YME1L1: variants seen among roughly 807,000 people sequenced by gnomAD.
YME1L1 encodes the protein ATP-dependent zinc metalloprotease YME1L1.
YME1L1 carries 39 observed loss-of-function variants against 90.4 expected under a neutral mutation model. That is an observed-to-expected ratio of 0.43 (90% CI 0.33 to 0.56). The LOEUF is 0.56. YME1L1 is among the 20% of genes least tolerant of loss of function. The pLI is 0.03. For synonymous variants in YME1L1, 284 were observed against 287.3 expected (o/e 0.99, Z 0.12); for missense variants, 617 against 868.4 (o/e 0.71, Z 3.64).
chr10:27,115,266 C>CA (rs1399020923), intron 17 of YME1L1, among the ~76,000 whole-genome samples: 6 of 149,276 alleles, frequency 4.0e-5, no homozygotes, highest in Non-Finnish European at 5.9e-5. Context: ...AACAAAGAAA[C>CA]AAAAAAACAC....
chr10:27,145,232 C>G (rs1449469897), intron 3 of YME1L1, among the ~76,000 whole-genome samples, 196 bp downstream of exon 3: 1 of 150,246 alleles, frequency 6.7e-6, no homozygotes, highest in Non-Finnish European at 1.5e-5. Context: ...AAGCAAAATT[C>G]TGTACTATCT....
chr10:27,148,958 G>A lies in YME1L1; in HGVS notation c.116C>T (p.Ser39Phe). 6.2e-7 allele frequency: 1 copy of A among 1,614,146 alleles called. No individual in the cohort carries two copies. ...AACTACATCTCGATGCTGGTTTTGAGAAACTGACACTCCACTGAGAGAAAC... is the reference window on the plus strand; with the variant it reads ...AACTACATCTCGATGCTGGTTTTGAAAAACTGACACTCCACTGAGAGAAAC... Reference protein sequence around the residue: ...TSVSLSGVSVSQNQHRDVVPE... With the variant: ...TSVSLSGVSVFQNQHRDVVPE... The change falls in exon 2 of 19, where the codon TCT (serine) becomes TTT (phenylalanine). Residue 39 changes from serine to phenylalanine, a missense_variant. This residue lies in a region of YME1L1 where 311 missense variants were observed against 335.8 expected (regional missense o/e 0.93). Coordinates refer to ENST00000376016, the MANE Select transcript of YME1L1 (RefSeq NM_014263.4).
At chr10:27,143,323 C>T (rs1226226798) in intron 3 of YME1L1, among the ~76,000 whole-genome samples, 3 of 151,124 alleles carry the variant, frequency 2.0e-5, no homozygotes, top group East Asian at 2.0e-4. Context: ...GAGCTGAGAT[C>T]GCGCCATTGC....
chr10:27,115,939 C>G, intron 17 of YME1L1, 121 bp downstream of exon 17: 2 of 875,680 alleles, frequency 2.3e-6, no homozygotes, highest in Non-Finnish European at 3.6e-6. Context: ...GAATAAAGAG[C>G]CTCAAATCCA....
intron 11 of YME1L1, 98 bp downstream of exon 11, chr10:27,122,743 G>T (rs749016913): frequency 3.3e-6 from 5 of 1,510,138 alleles, no homozygotes; most frequent in Non-Finnish European, 4.5e-6. Context: ...CTCTAGATAT[G>T]AAATGCCTTA....
chr10:27,118,580 A>C (rs1271111826), intron 14 of YME1L1, among the ~76,000 whole-genome samples: 2 of 152,202 alleles, frequency 1.3e-5, no homozygotes, highest in African/African-American at 4.8e-5. Context: ...GTGAGCCACC[A>C]CGCCCAGTCT....
At chr10:27,129,755 A>ACTTGT (rs10672240) in intron 8 of YME1L1, among the ~76,000 whole-genome samples, 150,950 of 152,026 alleles carry the variant, frequency 0.99, 74,949 homozygotes, top group Middle Eastern at 1. Flanking sequence ...ACTCATTTTG[A>ACTTGT]CTTAATATAA....
In YME1L1 at chr10:27,134,937, G is replaced by T; in HGVS notation, c.585C>A (p.Asp195Glu). The change falls in exon 6 of 19, where the codon GAC becomes GAA. Residue 195 changes from aspartate (D) to glutamate (E), a missense_variant. Around this residue, in one of 4 missense-constraint regions of YME1L1, gnomAD observed 311 missense variants for 335.8 expected, o/e 0.93. Transcript: ENST00000376016. ...GTATATTTTTGGTTTTCATGAGTTTGTCCAAACTCTCAACATCTGATCCTC... is the reference window on the plus strand; with the variant it reads ...GTATATTTTTGGTTTTCATGAGTTTTTCCAAACTCTCAACATCTGATCCTC... ...RDRGSDVESL[D>E]KLMKTKNIPE... The T allele has an allele frequency of 3.7e-6, 6 of 1,613,256 alleles. No homozygotes were observed. The highest frequency in any genetic ancestry group is 5.1e-6 in the Non-Finnish European group (6 of 1,179,954).
rs550177877 is a variant in YME1L1 at position 27,126,996 on chromosome 10, A to C, written c.859-210T>G. Reference sequence around the variant, plus strand: ...ATTTCCCATTATGCAAAGTCTCCTTACTATCCCCAAAAAAATCATTCTGAA... The same window carrying C: ...ATTTCCCATTATGCAAAGTCTCCTTCCTATCCCCAAAAAAATCATTCTGAA... On this transcript the variant is annotated intron_variant, in intron 8 of 18. Transcript: ENST00000376016. Among the ~76,000 whole-genome samples, 9 of 152,362 alleles carry C rather than the reference A, an allele frequency of 5.9e-5. No individual in the cohort carries two copies. In the South Asian group the frequency reaches 1.9e-3, roughly 32 times the overall value.
intron 2 of YME1L1, chr10:27,147,178 T>C (rs563434832): frequency 1.4e-4 from 79 of 573,912 alleles, no homozygotes; most frequent in African/African-American, 9.7e-4. Flanking sequence ...TTCTGTCTTA[T>C]AGAAGAAAAT....
rs768688237 is a variant in YME1L1 at position 27,123,627 on chromosome 10, A to G, written c.1022T>C (p.Val341Ala). ...GGATCCAGAAGCATAATAAAAAGGA[A>G]CATCAGCTTCTCCCGCCACAGCTCG... is the stretch of plus-strand genomic sequence containing the variant. ...LARAVAGEAD[V>A]PFYYASGSEF... Residue 341 changes from valine (V) to alanine (A), a missense_variant, in exon 10 of 19, where the codon GTT becomes GCT. Val to Ala is a moderately conservative substitution (Grantham distance 64). Coordinates refer to ENST00000376016, the MANE Select transcript of YME1L1 (RefSeq NM_014263.4). The G allele has an allele frequency of 6.2e-7, 1 of 1,613,974 alleles. No individual in the cohort carries two copies. Among genetic ancestry groups the G allele is most frequent in the Non-Finnish European group, 8.5e-7 (1 of 1,179,928 alleles).
rs2056760745 is a variant in YME1L1, at chr10:27,111,747, A to G, written c.*230T>C. The G allele has an allele frequency of 3.2e-6, 2 of 618,680 alleles. No individual in the cohort carries two copies. The highest frequency in any genetic ancestry group is 2.4e-5 in the Admixed American group (1 of 41,476). 38.3% of individuals were successfully genotyped at this position (618,680 alleles called of 1,614,324 possible). A position where few individuals can be genotyped will look rare whatever the true frequency, so the allele number is the denominator to read the frequency against. On this transcript the variant is annotated 3_prime_UTR_variant, in exon 19 of 19. Coordinates refer to ENST00000376016, the MANE Select transcript of YME1L1 (RefSeq NM_014263.4). ...CTCAAAAGAGCTGTTTTCAATCCTG[A>G]TAGTTCTTTATTTTTTCAAAATATA...
In YME1L1 at chr10:27,120,490, T is replaced by A; in HGVS notation, c.1356A>T (p.Val452=). 2 of 1,613,950 alleles carry A rather than the reference T, an allele frequency of 1.2e-6. No homozygotes were observed. The highest frequency in any genetic ancestry group is 8.5e-7 in the Non-Finnish European group (1 of 1,179,866). Residue 452 remains valine (V), a synonymous_variant, in exon 13 of 19, where the codon GTA becomes GTT. Transcript: ENST00000376016. ...ATTTCAAAATTTCTGTTCGACCTTT[T>A]ACATCTGGCCTTGGAACTGTAACTT... ...DMQVTVPRPD[V]KGRTEILKWY... is the part of the protein sequence containing the mutation.
intron 9 of YME1L1, among the ~76,000 whole-genome samples, 154 bp from the exon 10 acceptor site, chr10:27,123,853 C>T (rs2056891013): frequency 6.6e-6 from 1 of 151,394 alleles, no homozygotes; most frequent in African/African-American, 2.4e-5. Flanking sequence ...GTACTTGTCT[C>T]TGCTAATGGT....
Position 27,111,750 on chromosome 10 carries a change from G to C in YME1L1, c.*227C>G. 1 of 627,930 alleles carries C rather than the reference G, an allele frequency of 1.6e-6. No individual in the cohort carries two copies. The highest frequency in any genetic ancestry group is 3.1e-5 in the East Asian group (1 of 32,778). The allele number at this position is 627,930 out of a possible 1,614,324, so 38.9% of individuals were successfully genotyped here. A position where few individuals can be genotyped will look rare whatever the true frequency, so the allele number is the denominator to read the frequency against. On this transcript the variant is annotated 3_prime_UTR_variant, in exon 19 of 19. Transcript: ENST00000376016. ...AAAAGAGCTGTTTTCAATCCTGATA[G>C]TTCTTTATTTTTTCAAAATATATTT...
intron 1 of YME1L1, among the ~76,000 whole-genome samples, chr10:27,151,738 G>A (rs2057218829): frequency 6.6e-6 from 1 of 152,062 alleles, no homozygotes; most frequent in Non-Finnish European, 1.5e-5. Flanking sequence ...AAAATTAGCC[G>A]GGCGTGGTGG....
intron 11 of YME1L1, among the ~76,000 whole-genome samples, chr10:27,121,840 A>G (rs1483012867): frequency 6.6e-6 from 1 of 151,352 alleles, no homozygotes; most frequent in African/African-American, 2.4e-5. Context: ...GGTTCAAGCA[A>G]TTCTCATGTC....
At chr10:27,130,013 A>T (rs899773021) in intron 8 of YME1L1, among the ~76,000 whole-genome samples, 7 of 152,144 alleles carry the variant, frequency 4.6e-5, no homozygotes, top group Non-Finnish European at 1.0e-4. Flanking sequence ...AAAATCCAAG[A>T]ATTGTTTGCA....
At chr10:27,148,564 G>A (rs2057171378) in intron 2 of YME1L1, among the ~76,000 whole-genome samples, 1 of 152,252 alleles carries the variant, frequency 6.6e-6, no homozygotes, top group South Asian at 2.1e-4. Flanking sequence ...TCAACTTGAA[G>A]ATAATGAAGA....
Sources: gnomAD v4.1 joint callset for allele counts (sites outside exome capture counted in the v4.1 genomes callset) on GRCh38, gnomAD v4.1.1 for gene constraint, gnomAD v4.1.1 regional missense constraint, MANE v1.5 for transcripts, NCBI Gene and HGNC (gene_info 2026-07-23, HGNC 2026-07-21) for gene names.